The following ZNF704 variants were observed in gnomAD, a reference collection of about 807,000 sequenced individuals.
ZNF704 encodes the protein glucocorticoid induced gene 1.
A neutral mutation model predicts 44.7 loss-of-function variants in ZNF704; 10 were observed. The observed-to-expected ratio is 0.22, with a 90% CI of 0.14 to 0.38. The LOEUF (loss-of-function observed/expected upper bound fraction) is 0.38. ZNF704 is among the 10% of genes least tolerant of loss of function. The pLI is 1.00. For synonymous variants in ZNF704, 211 were observed against 207.6 expected, an observed-to-expected ratio of 1.02 and a Z score of -0.14; for missense variants, 390 against 545.5, an observed-to-expected ratio of 0.71 and a Z score of 2.84.
At chr8:80,742,854 G>A (rs550857982) in intron 2 of ZNF704, among the ~76,000 whole-genome samples, 40 of 152,130 alleles carry the variant, frequency 2.6e-4, no homozygotes, top group Middle Eastern at 3.4e-3. Context: ...TTCCTGTTGA[G>A]AGGAGGTACC....
intron 2 of ZNF704, among the ~76,000 whole-genome samples, chr8:80,696,444 G>T (rs1321697869): frequency 6.6e-6 from 1 of 152,160 alleles, no homozygotes; most frequent in Non-Finnish European, 1.5e-5. Flanking sequence ...TTGAGATGGA[G>T]TCTTGCTCTG....
At chr8:80,779,201 A>T (rs1563550471) in intron 2 of ZNF704, among the ~76,000 whole-genome samples, 2 of 150,976 alleles carry the variant, frequency 1.3e-5, no homozygotes, top group African/African-American at 4.9e-5. Context: ...CATGACATTT[A>T]AAAAAAATTC....
At chr8:80,759,520 A>G (rs1024529740) in intron 2 of ZNF704, among the ~76,000 whole-genome samples, 7 of 152,152 alleles carry the variant, frequency 4.6e-5, no homozygotes, top group East Asian at 1.9e-4. Context: ...CACCTTCATA[A>G]TTAGGCTATA....
chr8:80,719,710 G>A (rs1320292795), intron 2 of ZNF704, among the ~76,000 whole-genome samples: 2 of 152,170 alleles, frequency 1.3e-5, no homozygotes, highest in African/African-American at 4.8e-5. Flanking sequence ...ACAGATGCTT[G>A]TCACTGTTTT....
chr8:80,644,159 TA>T (rs1554567610), intron 7 of ZNF704, among the ~76,000 whole-genome samples: 1 of 152,168 alleles, frequency 6.6e-6, no homozygotes, highest in Non-Finnish European at 1.5e-5. Context: ...TTTTACAGAT[TA>T]GGAGACTAAG....
chr8:80,678,294 G>A lies in ZNF704; in HGVS notation c.559-7691C>T, dbSNP rs137889887. Among the ~76,000 whole-genome samples, 440 of 152,238 alleles carry A rather than the reference G, an allele frequency of 2.9e-3. 8 individuals carry two copies. The highest frequency in any genetic ancestry group is 0.026 in the Admixed American group (399 of 15,294). On this transcript the variant is annotated intron_variant, in intron 4 of 8. Coordinates refer to ENST00000327835, the MANE Select transcript of ZNF704 (RefSeq NM_001033723.3). Reference sequence around the variant, plus strand: ...AGACTGTCAACTGTTTTGGAGGAGGGGGCAATCGCAAAACAAAGTTCTGCT... The same window carrying A: ...AGACTGTCAACTGTTTTGGAGGAGGAGGCAATCGCAAAACAAAGTTCTGCT...
intron 2 of ZNF704, among the ~76,000 whole-genome samples, chr8:80,701,613 G>T (rs571782438): frequency 6.6e-6 from 1 of 152,188 alleles, no homozygotes; most frequent in East Asian, 1.9e-4. Context: ...ACATGCAAGG[G>T]ACCAAACAGG....
intron 2 of ZNF704, among the ~76,000 whole-genome samples, chr8:80,795,297 C>T (rs1192749288): frequency 6.6e-6 from 1 of 152,120 alleles, no homozygotes; most frequent in African/African-American, 2.4e-5. Flanking sequence ...AAAAATGGCA[C>T]TGTAACTTGT....
At chr8:80,805,625 G>A (rs1807977013) in intron 2 of ZNF704, among the ~76,000 whole-genome samples, 1 of 151,928 alleles carries the variant, frequency 6.6e-6, no homozygotes, top group African/African-American at 2.4e-5. Flanking sequence ...AACAAAATTT[G>A]TTCATTTGCT....
chr8:80,701,607 G>T (rs1818811645), intron 2 of ZNF704, among the ~76,000 whole-genome samples: 1 of 152,028 alleles, frequency 6.6e-6, no homozygotes, highest in Non-Finnish European at 1.5e-5. Flanking sequence ...CCACTTACAT[G>T]CAAGGGACCA....
chr8:80,850,319 GCTT>G (rs1485972884), intron 1 of ZNF704, among the ~76,000 whole-genome samples: 14 of 152,102 alleles, frequency 9.2e-5, no homozygotes, highest in Admixed American at 3.3e-4. Context: ...TCTTTCTGCA[GCTT>G]CTTCTTTTCT....
At chr8:80,796,888 T>G (rs1586034001) in intron 2 of ZNF704, among the ~76,000 whole-genome samples, 6 of 114,690 alleles carry the variant, frequency 5.2e-5, no homozygotes, top group Non-Finnish European at 5.4e-5. Flanking sequence ...GAGAGGGAAA[T>G]GGAAAGGGAA....
chr8:80,804,039 A>G (rs769714680), intron 2 of ZNF704, among the ~76,000 whole-genome samples: 1 of 152,226 alleles, frequency 6.6e-6, no homozygotes, highest in Non-Finnish European at 1.5e-5. Context: ...GACACCTCTC[A>G]AAAGAAGACA....
the ZNF704 span, among the ~76,000 whole-genome samples, chr8:80,882,718 A>G: frequency 6.6e-6 from 1 of 152,046 alleles, no homozygotes; most frequent in African/African-American, 2.4e-5. Context: ...ATTTCCTTTT[A>G]TAAATTGACC....
intron 2 of ZNF704, among the ~76,000 whole-genome samples, chr8:80,747,769 TG>T (rs1806870866): frequency 6.6e-6 from 1 of 152,206 alleles, no homozygotes; most frequent in Non-Finnish European, 1.5e-5. Context: ...CAGGCTGGAG[TG>T]CAGTGGTGCT....
intron 2 of ZNF704, among the ~76,000 whole-genome samples, chr8:80,729,076 C>T (rs1266144707): frequency 6.6e-6 from 1 of 152,112 alleles, no homozygotes; most frequent in East Asian, 1.9e-4. Flanking sequence ...CTCAAGTAAC[C>T]TCTGTTGAAC....
intron 2 of ZNF704, among the ~76,000 whole-genome samples, chr8:80,777,647 G>C (rs1486741676): frequency 6.6e-6 from 1 of 152,094 alleles, no homozygotes; most frequent in African/African-American, 2.4e-5. Flanking sequence ...GGGAGGCCGA[G>C]GTAGGCAGAT....
Position 80,717,961 on chromosome 8 carries a change from CA to C in ZNF704, c.222-24855del, listed in dbSNP as rs1819098260. ...ACTTGCATACAAATGTGTTAGTGTG[CA>C]AAGGTGCATTTTTCTAGGTTAAGGC... On this transcript the variant is annotated intron_variant, in intron 2 of 8. Coordinates refer to ENST00000327835, the MANE Select transcript of ZNF704 (RefSeq NM_001033723.3). 2.6e-5 allele frequency among the ~76,000 whole-genome samples: 4 copies of C among 152,180 alleles called. No homozygotes were observed. In the South Asian group the frequency reaches 8.3e-4, roughly 32 times the overall value.
chr8:80,876,152 C>T (rs1437339254), upstream of ZNF704, among the ~76,000 whole-genome samples: 1 of 152,196 alleles, frequency 6.6e-6, no homozygotes, highest in African/African-American at 2.4e-5. Flanking sequence ...CCCTCCCTTT[C>T]CCTCCTCAGA....
Sources: gnomAD v4.1 joint callset for allele counts (sites outside exome capture counted in the v4.1 genomes callset) on GRCh38, gnomAD v4.1.1 for gene constraint, MANE v1.5 for transcripts, NCBI Gene and HGNC (gene_info 2026-07-23, HGNC 2026-07-21) for gene names.